The following CHODL variants were observed in gnomAD, a reference collection of about 807,000 sequenced individuals.
CHODL encodes transmembrane protein MT75.
A neutral mutation model predicts 34.5 loss-of-function variants in CHODL; 29 were observed. That is an observed-to-expected ratio of 0.84 (90% CI 0.63 to 1.15). CHODL has a LOEUF of 1.15. Among genes scored for constraint, CHODL ranks in the 50% most tolerant of loss-of-function variants. The pLI is 0.00. For synonymous variants in CHODL, 125 were observed against 116.1 expected, an observed-to-expected ratio of 1.08 and a Z score of -0.49; for missense variants, 332 against 332.5, an observed-to-expected ratio of 1.00 and a Z score of 0.01.
At chr21:17,984,667 G>T (rs145324102) in intron 1 of CHODL, among the ~76,000 whole-genome samples, 504 of 151,082 alleles carry the variant, frequency 3.3e-3, no homozygotes, top group African/African-American at 0.012. Flanking sequence ...TTTCTTTATG[G>T]ATTTTGCCTT....
chr21:17,973,207 A>G (rs2063630820), intron 1 of CHODL, among the ~76,000 whole-genome samples: 1 of 152,164 alleles, frequency 6.6e-6, no homozygotes, highest in Admixed American at 6.5e-5. Flanking sequence ...AACCTAGGCA[A>G]TACCATTCAG....
At chr21:18,032,169 T>C (rs2064255394) in intron 2 of CHODL, among the ~76,000 whole-genome samples, 1 of 152,068 alleles carries the variant, frequency 6.6e-6, no homozygotes, top group Non-Finnish European at 1.5e-5. Context: ...CTGTGGTTAA[T>C]AACAATGAAT....
intron 2 of CHODL, among the ~76,000 whole-genome samples, chr21:18,226,531 T>A (rs1049302641): frequency 3.3e-5 from 5 of 152,116 alleles, no homozygotes; most frequent in African/African-American, 1.2e-4. Context: ...ACTTGTGACC[T>A]CAATTGGTCT....
At chr21:17,969,695 C>G (rs528517447) in intron 1 of CHODL, among the ~76,000 whole-genome samples, 1 of 152,188 alleles carries the variant, frequency 6.6e-6, no homozygotes, top group African/African-American at 2.4e-5. Flanking sequence ...CTTTCTGAAT[C>G]CTGGAGATAC....
At chr21:18,264,422 CA>C (rs978603009) in intron 5 of CHODL, among the ~76,000 whole-genome samples, 1 of 151,698 alleles carries the variant, frequency 6.6e-6, no homozygotes, top group African/African-American at 2.4e-5. Flanking sequence ...ACTAACATGG[CA>C]AAACCCCATC....
intron 1 of CHODL, among the ~76,000 whole-genome samples, chr21:17,968,895 C>T (rs1203827422): frequency 6.6e-6 from 1 of 152,132 alleles, no homozygotes; most frequent in East Asian, 1.9e-4. Flanking sequence ...AATCAAAGGG[C>T]CCTTGGGAAT....
chr21:17,982,844 G>C (rs2063724854), intron 1 of CHODL, among the ~76,000 whole-genome samples: 1 of 150,996 alleles, frequency 6.6e-6, no homozygotes, highest in African/African-American at 2.4e-5. Flanking sequence ...CTGAGTACCT[G>C]GGATTACAGC....
intron 1 of CHODL, among the ~76,000 whole-genome samples, chr21:17,933,985 C>T (rs1040303439): frequency 2.0e-5 from 3 of 150,252 alleles, no homozygotes; most frequent in Non-Finnish European, 1.5e-5. Flanking sequence ...TGCAGTGAGC[C>T]GAGATCGAGT....
chr21:18,094,939 A>C (rs1221428725), intron 2 of CHODL, among the ~76,000 whole-genome samples: 3 of 151,668 alleles, frequency 2.0e-5, no homozygotes, highest in Admixed American at 1.3e-4. Context: ...GGCTGGCCAA[A>C]ATGGTGAAAC....
At chr21:18,258,206 G>A (rs1211648174) in intron 3 of CHODL, among the ~76,000 whole-genome samples, 1 of 151,844 alleles carries the variant, frequency 6.6e-6, no homozygotes, top group Non-Finnish European at 1.5e-5. Flanking sequence ...TCCCTGGTGA[G>A]TTTATTCTTT....
chr21:18,234,635 A>G (rs1203753896), intron 2 of CHODL, among the ~76,000 whole-genome samples: 1 of 152,120 alleles, frequency 6.6e-6, no homozygotes, highest in Non-Finnish European at 1.5e-5. Flanking sequence ...GATTACCAGA[A>G]GTGGTCCCAT....
At chr21:17,946,309 C>T (rs907687819) in intron 1 of CHODL, among the ~76,000 whole-genome samples, 3 of 152,080 alleles carry the variant, frequency 2.0e-5, no homozygotes, top group African/African-American at 7.2e-5. Flanking sequence ...GTCCCAGCTA[C>T]TCGGGAGGCT....
At chr21:18,126,966 C>T (rs915069939) in intron 2 of CHODL, among the ~76,000 whole-genome samples, 54 of 152,136 alleles carry the variant, frequency 3.5e-4, no homozygotes, top group African/African-American at 1.2e-3. Context: ...AAATTGATGG[C>T]CAAATGAACT....
intron 2 of CHODL, among the ~76,000 whole-genome samples, chr21:18,106,346 G>A (rs1393522404): frequency 6.6e-6 from 1 of 152,098 alleles, no homozygotes; most frequent in African/African-American, 2.4e-5. Flanking sequence ...TACTGACCGA[G>A]GCTGTGAGTC....
chr21:18,028,273 TTTCCCCTTCCTTCCTTCCTTCC>T (rs1230729438), intron 2 of CHODL, among the ~76,000 whole-genome samples: 14 of 67,622 alleles, frequency 2.1e-4, no homozygotes, highest in East Asian at 9.5e-4. Flanking sequence ...TCTTTTTCCT[TTTCCCCTTCCTTCCTTCCTTCC>T]TTCCTTCCTT....
intron 1 of CHODL, among the ~76,000 whole-genome samples, chr21:17,929,704 C>G (rs2146318171): frequency 6.6e-6 from 1 of 152,262 alleles, no homozygotes; most frequent in East Asian, 1.9e-4. Context: ...CAGTCTAACA[C>G]AGGGAACTTG....
rs111684805 is a variant in CHODL at position 18,092,196 on chromosome 21, G to GA, written c.-45+64234dup. ...CTATATGTTTGTGAGAAAGTAAGGG[G>GA]AAAAAAAAATCCCAAAGTCTCTGCC... On this transcript the variant is annotated intron_variant, in intron 2 of 6. Coordinates refer to the CHODL transcript ENST00000400127. Among the ~76,000 whole-genome samples the GA allele has an allele frequency of 1.2e-4, 18 of 151,314 alleles. 1 individual carries two copies. The East Asian group carries it at 1.8e-3, about 15-fold the overall frequency.
chr21:17,978,690 C>T (rs537714665), intron 1 of CHODL, among the ~76,000 whole-genome samples: 35 of 150,942 alleles, frequency 2.3e-4, no homozygotes, highest in African/African-American at 7.3e-4. Flanking sequence ...TGCCCTCCAG[C>T]CCGGGTGACT....
intron 2 of CHODL, among the ~76,000 whole-genome samples, chr21:18,171,809 G>A (rs1038171855): frequency 6.9e-5 from 10 of 145,000 alleles, no homozygotes; most frequent in African/African-American, 2.3e-4. Context: ...TGTCATATGT[G>A]TCCACTAGGT....
Sources: gnomAD v4.1 joint callset for allele counts (sites outside exome capture counted in the v4.1 genomes callset) on GRCh38, gnomAD v4.1.1 for gene constraint, MANE v1.5 for transcripts, NCBI Gene and HGNC (gene_info 2026-07-23, HGNC 2026-07-21) for gene names.